Variants in DNAH6 observed in about 807,000 individuals in gnomAD.
The protein encoded by DNAH6 is dynein axonemal heavy chain 6, also known as axonemal beta dynein heavy chain 6.
Under a neutral mutation model 491.4 loss-of-function variants are expected in DNAH6, and 340 were observed. The observed-to-expected ratio is 0.69, with a 90% CI of 0.63 to 0.76. The LOEUF is 0.76. Ranked by LOEUF, DNAH6 falls within the 30% of genes least tolerant of loss-of-function variation. The pLI is 0.00. For synonymous variants in DNAH6, 1,603 were observed against 1,686.1 expected (o/e 0.95, Z 1.21); for missense variants, 4,443 against 4,972.2 (o/e 0.89, Z 3.20).
rs1172822030 is a variant in DNAH6, at chr2:84,815,964, T to C, written c.12254T>C (p.Met4085Thr). 11 of 1,551,914 alleles carry C rather than the reference T, an allele frequency of 7.1e-6. No homozygotes were observed. The highest frequency in any genetic ancestry group is 8.7e-6 in the Non-Finnish European group (10 of 1,147,052). Residue 4085 changes from methionine to threonine, a missense_variant, in exon 76 of 77, where the codon ATG (methionine) becomes ACG (threonine). Met to Thr is a moderately conservative substitution (Grantham distance 81). Around this residue, in one of 3 missense-constraint regions of DNAH6, gnomAD observed 1,463 missense variants for 1,656.6 expected, o/e 0.88. Coordinates refer to ENST00000389394, the MANE Select transcript of DNAH6 (RefSeq NM_001370.2). ...ATAGAAGATGCATTGCCCGGACAGA[T>C]GAATCCAGTGCTGCCTGTGGTGCAT... ...MVIEDALPGQ[M>T]NPVLPVVHFE...
At chr2:84,494,913 A>G in the DNAH6 span, among the ~76,000 whole-genome samples, 2 of 152,202 alleles carry the variant, frequency 1.3e-5, no homozygotes, top group Non-Finnish European at 2.9e-5. Context: ...GAGATTCTGC[A>G]TGACTAGCAA....
intron 46 of DNAH6, 106 bp downstream of exon 46, chr2:84,694,586 C>G: frequency 1.4e-6 from 1 of 735,004 alleles, no homozygotes; most frequent in Non-Finnish European, 2.2e-6. Flanking sequence ...GGATTGTTCC[C>G]TTTGATAACA....
Position 84,579,719 on chromosome 2 carries a change from T to TA in DNAH6, c.2229+41dup, listed in dbSNP as rs756180126. 5 of 1,493,292 alleles carry TA rather than the reference T, an allele frequency of 3.3e-6. No individual in the cohort carries two copies. In the South Asian group the frequency reaches 6.7e-5, roughly 20 times the overall value. The allele number at this position is 1,493,292 out of a possible 1,614,324, so 92.5% of individuals were successfully genotyped here. A position where few individuals can be genotyped will look rare whatever the true frequency, so the allele number is the denominator to read the frequency against. ...TCATATAACTCAATATTCCAGATCT[T>TA]ATAGTAGGAAGGAAGACATAGGACA... On this transcript the variant is annotated intron_variant, in intron 14 of 76. Transcript: ENST00000389394.
intron 18 of DNAH6, among the ~76,000 whole-genome samples, chr2:84,598,082 TGAACTCGTGGTTACTCGTG>T (rs369859516): frequency 0.03 from 4,570 of 151,486 alleles, 297 homozygotes; most frequent in African/African-American, 0.11. Flanking sequence ...AGTGAGAAAG[TGAACTCGTGGTTACTCGTG>T]GAACTCGTGG....
chr2:84,521,318 T>C (rs6761435), intron 2 of DNAH6, among the ~76,000 whole-genome samples: 146,654 of 152,064 alleles, frequency 0.96, 70,767 homozygotes, highest in East Asian at 1. Flanking sequence ...TTTTAATGGG[T>C]TTGTTTGTGG....
At chr2:84,640,657 C>G in intron 32 of DNAH6, 79 bp downstream of exon 32, 1 of 1,352,938 alleles carries the variant, frequency 7.4e-7, no homozygotes, top group Non-Finnish European at 1.0e-6. Context: ...AGGAAAGGCT[C>G]TCAGAGAGTA....
chr2:84,489,567 C>T, the DNAH6 span, among the ~76,000 whole-genome samples: 1 of 152,098 alleles, frequency 6.6e-6, no homozygotes, highest in Non-Finnish European at 1.5e-5. Context: ...TGTATTCTTT[C>T]TCTTTCCTTT....
At chr2:84,703,754 C>T (rs1053082862) in intron 50 of DNAH6, among the ~76,000 whole-genome samples, 192 bp downstream of exon 50, 1 of 151,236 alleles carries the variant, frequency 6.6e-6, no homozygotes, top group Non-Finnish European at 1.5e-5. Flanking sequence ...TTTACTAAAT[C>T]AGTTTGGCTC....
At chr2:84,818,383 G>A (rs1680693866) in intron 76 of DNAH6, among the ~76,000 whole-genome samples, 1 of 149,594 alleles carries the variant, frequency 6.7e-6, no homozygotes, top group Admixed American at 6.7e-5. Flanking sequence ...AGCCGCTTGG[G>A]AGACTGAGGC....
At position 84,774,397 on chromosome 2, in the gene DNAH6, G is replaced by T. The variant is rs1311669915; in HGVS notation, c.10704-7096G>T. 4.0e-5 allele frequency among the ~76,000 whole-genome samples: 6 copies of T among 151,868 alleles called. No homozygotes were observed. In the East Asian group the frequency reaches 1.2e-3, roughly 29 times the overall value. ...GTAGGTGTGCAGCTTTATTTCTGGG[G>T]TCTCTATTCTATTCTATTGGTCTGT... On this transcript the variant is annotated intron_variant, in intron 64 of 76. Transcript: ENST00000389394.
chr2:84,553,465 T>C (rs1212706256), intron 10 of DNAH6, among the ~76,000 whole-genome samples: 1 of 149,812 alleles, frequency 6.7e-6, no homozygotes, highest in Non-Finnish European at 1.5e-5. Context: ...TTCTTTCTTT[T>C]CTTTCTTTTT....
Position 84,621,174 on chromosome 2 carries a change from C to A in DNAH6, c.3793-17C>A. ...TCCCACACAAGCCACTTTATCAATG[C>A]TCTGATTACCTTTTAGGTTAGCTTG... On this transcript the variant is annotated splice_polypyrimidine_tract_variant and intron_variant, in intron 24 of 76. Coordinates refer to ENST00000389394, the MANE Select transcript of DNAH6 (RefSeq NM_001370.2). 1 of 1,550,874 alleles carries A rather than the reference C, an allele frequency of 6.4e-7. No individual in the cohort carries two copies. The highest frequency in any genetic ancestry group is 1.4e-5 in the African/African-American group (1 of 73,140).
chr2:84,649,560 G>A (rs1449037913), intron 33 of DNAH6, among the ~76,000 whole-genome samples: 1 of 152,000 alleles, frequency 6.6e-6, no homozygotes, highest in Non-Finnish European at 1.5e-5. Context: ...TAGGATTCTG[G>A]AGTGACAGTT....
At chr2:84,544,817 G>A (rs192576149) in intron 5 of DNAH6, among the ~76,000 whole-genome samples, 8 of 152,260 alleles carry the variant, frequency 5.3e-5, no homozygotes, top group African/African-American at 1.7e-4. Flanking sequence ...TTTGAGCAGA[G>A]TAGGCTGGTA....
chr2:84,480,243 AAAAG>A, the DNAH6 span, among the ~76,000 whole-genome samples: 3 of 152,222 alleles, frequency 2.0e-5, no homozygotes, highest in Non-Finnish European at 4.4e-5. Flanking sequence ...TTACTTTTAT[AAAAG>A]AAAGAATAAT....
intron 33 of DNAH6, among the ~76,000 whole-genome samples, chr2:84,652,486 G>T (rs1690543472): frequency 6.6e-6 from 1 of 151,970 alleles, no homozygotes; most frequent in Admixed American, 6.6e-5. Flanking sequence ...GTTTTTCTAA[G>T]TCTCTCATTC....
At chr2:84,552,092 A>G (rs1291493880) in intron 9 of DNAH6, among the ~76,000 whole-genome samples, 1 of 151,494 alleles carries the variant, frequency 6.6e-6, no homozygotes, top group Non-Finnish European at 1.5e-5. Flanking sequence ...TCATTTACCC[A>G]CATGCATACT....
chr2:84,778,207 T>C (rs1676335562), intron 64 of DNAH6: 14 of 662,656 alleles, frequency 2.1e-5, no homozygotes, highest in Non-Finnish European at 3.4e-5. Context: ...AATCAGCTGA[T>C]CCTTGAGAGT....
chr2:84,809,281 C>G (rs1229878644), intron 72 of DNAH6, among the ~76,000 whole-genome samples: 1 of 152,186 alleles, frequency 6.6e-6, no homozygotes, highest in Non-Finnish European at 1.5e-5. Flanking sequence ...GAACCAAACA[C>G]CTACTTCAAG....
Sources: gnomAD v4.1 joint callset for allele counts (sites outside exome capture counted in the v4.1 genomes callset) on GRCh38, gnomAD v4.1.1 for gene constraint, gnomAD v4.1.1 regional missense constraint, MANE v1.5 for transcripts, NCBI Gene and HGNC (gene_info 2026-07-23, HGNC 2026-07-21) for gene names.